The following LPP variants were observed in gnomAD, a reference collection of about 807,000 sequenced individuals.
The protein encoded by LPP is lipoma-preferred partner.
A neutral mutation model predicts 60.4 loss-of-function variants in LPP; 38 were observed. The observed-to-expected ratio is 0.63, with a 90% CI of 0.49 to 0.83. The LOEUF (loss-of-function observed/expected upper bound fraction) is 0.83, where lower values mean the gene tolerates loss of function less well. LPP is among the 40% of genes least tolerant of loss of function. The pLI, the probability that LPP is intolerant of heterozygous loss-of-function variation, is 0.00. For missense variants in LPP, 902 were observed against 783.6 expected (o/e 1.15, Z -1.80); for synonymous variants, 328 against 290.8 (o/e 1.13, Z -1.30).
chr3:188,420,435 G>T (rs1457718354), intron 4 of LPP, among the ~76,000 whole-genome samples: 1 of 152,100 alleles, frequency 6.6e-6, no homozygotes, highest in African/African-American at 2.4e-5. Flanking sequence ...ATTAATTAAA[G>T]AAATTAATTT....
At chr3:188,503,583 T>G (rs1812559924) in intron 5 of LPP, among the ~76,000 whole-genome samples, 1 of 152,066 alleles carries the variant, frequency 6.6e-6, no homozygotes, top group Non-Finnish European at 1.5e-5. Flanking sequence ...ACCTGCAGGC[T>G]TCCTGTTAGC....
At chr3:188,769,039 T>C (rs1735028022) in intron 9 of LPP, among the ~76,000 whole-genome samples, 2 of 152,224 alleles carry the variant, frequency 1.3e-5, no homozygotes, top group South Asian at 4.1e-4. Flanking sequence ...GCTGACAATA[T>C]AAAAATGACA....
Position 188,609,185 on chromosome 3 carries a change from C to A in LPP, c.454C>A (p.Pro152Thr). The A allele has an allele frequency of 1.2e-6, 2 of 1,612,744 alleles. No individual in the cohort carries two copies. Among genetic ancestry groups the A allele is most frequent in the Non-Finnish European group, 1.7e-6 (2 of 1,179,134 alleles). ...PQSSTGSTAS[P>T]PVSTPVTGHK... ...GAGCTCCACTGGTTCAACAGCCTCT[C>A]CTCCAGTTTCGACCCCAGTCACAGG... Residue 152 changes from proline (P) to threonine (T), a missense_variant, in exon 7 of 12, where the codon CCT becomes ACT. Pro to Thr is a conservative substitution (Grantham distance 38). Coordinates refer to ENST00000617246, the MANE Select transcript of LPP (RefSeq NM_001375462.1). The surrounding 1 kb of genome is among the most constrained non-coding windows in gnomAD (Gnocchi z 6.9).
chr3:188,861,322 A>G (rs1387791210), intron 9 of LPP, among the ~76,000 whole-genome samples: 2 of 152,144 alleles, frequency 1.3e-5, no homozygotes, highest in Non-Finnish European at 2.9e-5. Context: ...GTCACTCCTT[A>G]TCTTTCCAAG....
chr3:188,416,423 A>C (rs975883218), intron 4 of LPP, among the ~76,000 whole-genome samples: 2 of 152,218 alleles, frequency 1.3e-5, no homozygotes, highest in Admixed American at 1.3e-4. Context: ...AAAATAAAAA[A>C]TAAAACAGAA....
chr3:188,378,055 A>T (rs2140092), intron 3 of LPP, among the ~76,000 whole-genome samples: 11 of 152,026 alleles, frequency 7.2e-5, no homozygotes, highest in Non-Finnish European at 1.5e-4. Context: ...CTGCCCGATC[A>T]TTCCTCTGGA....
In LPP at chr3:188,173,618, A is replaced by T. The variant is rs114389411; in HGVS notation, c.-190+19366A>T. 4.5e-3 allele frequency among the ~76,000 whole-genome samples: 685 copies of T among 152,324 alleles called. 3 individuals are homozygous for T. Among genetic ancestry groups the T allele is most frequent in the African/African-American group, 0.016 (648 of 41,582 alleles). On this transcript the variant is annotated intron_variant, in intron 1 of 11. Transcript: ENST00000617246. ...TACTATGACGTATAATGTTGTAATCATGTAATCTGGAGCAGCTGCGGATGA... is the reference window on the plus strand; with the variant it reads ...TACTATGACGTATAATGTTGTAATCTTGTAATCTGGAGCAGCTGCGGATGA...
At chr3:188,201,659 A>AT (rs1731129015) in intron 1 of LPP, among the ~76,000 whole-genome samples, 1 of 152,088 alleles carries the variant, frequency 6.6e-6, no homozygotes, top group Non-Finnish European at 1.5e-5. Flanking sequence ...GTGAGGTGAG[A>AT]TCATACCACT....
intron 7 of LPP, among the ~76,000 whole-genome samples, chr3:188,669,513 T>C (rs966852057): frequency 2.0e-5 from 3 of 152,006 alleles, no homozygotes; most frequent in Non-Finnish European, 4.4e-5. Context: ...GAGGCGGAGC[T>C]TGCAGTGAGC....
At chr3:188,345,951 G>C (rs1764230201) in intron 3 of LPP, among the ~76,000 whole-genome samples, 2 of 152,116 alleles carry the variant, frequency 1.3e-5, no homozygotes, top group African/African-American at 4.8e-5. Flanking sequence ...ACTTTCCTCT[G>C]AGCTGCACTT....
chr3:188,589,405 G>C (rs1838181067), intron 6 of LPP, among the ~76,000 whole-genome samples: 1 of 152,038 alleles, frequency 6.6e-6, no homozygotes, highest in African/African-American at 2.4e-5. Context: ...GTTACCTTCT[G>C]TCCTATGAAT....
At chr3:188,375,307 G>A (rs1218081689) in intron 3 of LPP, among the ~76,000 whole-genome samples, 1 of 152,110 alleles carries the variant, frequency 6.6e-6, no homozygotes, top group African/African-American at 2.4e-5. Flanking sequence ...TGCACCTCTG[G>A]TAGAATTCGG....
intron 9 of LPP, among the ~76,000 whole-genome samples, chr3:188,808,487 C>T (rs997909934): frequency 6.6e-5 from 10 of 152,034 alleles, no homozygotes; most frequent in African/African-American, 2.2e-4. Flanking sequence ...TGAGTTATCA[C>T]TGGTGCCCTA....
intron 3 of LPP, among the ~76,000 whole-genome samples, chr3:188,402,507 A>AT (rs1206363769): frequency 2.0e-5 from 3 of 152,250 alleles, no homozygotes; most frequent in Non-Finnish European, 1.5e-5. Flanking sequence ...ATAGGATTTT[A>AT]TTCCACAAAT....
rs1046361074 is a variant in LPP, at chr3:188,155,586, G to T, written c.-190+1334G>T. ...AGAATAGGTAAAGGTCCACGAAGGT[G>T]GGTGCTAGACCTAGAGCCTATGGTC... On this transcript the variant is annotated intron_variant, in intron 1 of 11. Coordinates refer to ENST00000617246, the MANE Select transcript of LPP (RefSeq NM_001375462.1). Among the ~76,000 whole-genome samples the T allele has an allele frequency of 3.3e-5, 5 of 152,348 alleles. No homozygotes were observed. The East Asian group carries it at 9.7e-4, about 29-fold the overall frequency.
At chr3:188,240,543 C>T (rs1724012119) in intron 2 of LPP, among the ~76,000 whole-genome samples, 1 of 152,026 alleles carries the variant, frequency 6.6e-6, no homozygotes, top group Non-Finnish European at 1.5e-5. Flanking sequence ...ACTGATGTGC[C>T]TAGAGTAGTT....
intron 1 of LPP, among the ~76,000 whole-genome samples, chr3:188,159,984 C>G (rs1717719858): frequency 1.3e-5 from 2 of 152,238 alleles, no homozygotes; most frequent in Non-Finnish European, 2.9e-5. Flanking sequence ...GCAATCTTGG[C>G]TCACTGCAAC....
intron 6 of LPP, among the ~76,000 whole-genome samples, chr3:188,561,568 C>T (rs149535687): frequency 1.8e-4 from 27 of 152,074 alleles, no homozygotes; most frequent in African/African-American, 6.3e-4. Context: ...CCTTTTCTAC[C>T]AATTATTTGG....
intron 9 of LPP, among the ~76,000 whole-genome samples, chr3:188,842,221 A>G (rs1277869197): frequency 6.6e-6 from 1 of 152,166 alleles, no homozygotes; most frequent in Non-Finnish European, 1.5e-5. Flanking sequence ...AGCCATTTTA[A>G]CTGAGGCAAA....
Sources: gnomAD v4.1 joint callset for allele counts (sites outside exome capture counted in the v4.1 genomes callset) on GRCh38, gnomAD v4.1.1 for gene constraint, Gnocchi (gnomAD v3.1) non-coding constraint, MANE v1.5 for transcripts, NCBI Gene and HGNC (gene_info 2026-07-23, HGNC 2026-07-21) for gene names.